The following WWOX variants were observed in gnomAD, a reference collection of about 807,000 sequenced individuals.
WWOX encodes WW domain-containing oxidoreductase.
Under a neutral mutation model 46.2 loss-of-function variants are expected in WWOX, and 69 were observed. That is an observed-to-expected ratio of 1.49 (90% confidence interval 1.23 to 1.82). The LOEUF (loss-of-function observed/expected upper bound fraction) is 1.82, where lower values mean the gene tolerates loss of function less well. WWOX is among the 40% of genes most tolerant of loss of function. WWOX has a pLI of 0.00. For missense variants in WWOX, 919 were observed against 542.6 expected (o/e 1.69, Z -6.89); for synonymous variants, 359 against 202.6 (o/e 1.77, Z -6.56).
chr16:78,753,287 C>G (rs570544363), intron 8 of WWOX, among the ~76,000 whole-genome samples: 6 of 151,728 alleles, frequency 4.0e-5, no homozygotes, highest in African/African-American at 7.3e-5. Flanking sequence ...GCGACAGACT[C>G]CAGCCTGAGC....
intron 8 of WWOX, among the ~76,000 whole-genome samples, chr16:78,487,287 A>C (rs1261330424): frequency 6.6e-6 from 1 of 151,990 alleles, no homozygotes; most frequent in African/African-American, 2.4e-5. Flanking sequence ...TGAATGACTA[A>C]AGCAGAGATT....
chr16:78,415,398 C>T (rs1280742372), intron 6 of WWOX, among the ~76,000 whole-genome samples: 2 of 152,110 alleles, frequency 1.3e-5, no homozygotes, highest in Admixed American at 6.5e-5. Context: ...CCTATTTTAT[C>T]AGCAAGGTCT....
Position 78,469,372 on chromosome 16 carries a change from C to G in WWOX, c.1056+36620C>G, listed in dbSNP as rs535149850. On this transcript the variant is annotated intron_variant, in intron 8 of 8. Coordinates refer to ENST00000566780, the MANE Select transcript of WWOX (RefSeq NM_016373.4). Reference sequence around the variant, plus strand: ...TAAGTTACAAAGGCAGACTCTTAAGCTACAAAATACATCTCTTCACAGGAG... The same window carrying G: ...TAAGTTACAAAGGCAGACTCTTAAGGTACAAAATACATCTCTTCACAGGAG... Among the ~76,000 whole-genome samples the G allele has an allele frequency of 2.0e-5, 3 of 152,256 alleles. No homozygotes were observed. The East Asian group carries it at 5.8e-4, about 29-fold the overall frequency.
intron 8 of WWOX, among the ~76,000 whole-genome samples, chr16:79,052,612 G>A (rs1052670739): frequency 2.6e-5 from 4 of 152,156 alleles, no homozygotes; most frequent in Non-Finnish European, 4.4e-5. Flanking sequence ...CTAGCCAGTC[G>A]GAACAAATAC....
rs540856512 is a variant in WWOX, at chr16:78,335,527, TGA to T, written c.517-51331_517-51330del. Among the ~76,000 whole-genome samples the T allele has an allele frequency of 2.1e-3, 319 of 152,326 alleles. 1 individual carries two copies. The highest frequency in any genetic ancestry group is 3.7e-3 in the Non-Finnish European group (249 of 68,026). ...CATATTTTCTTCATCCTATCATTTA[TGA>T]GCATTTGGAGTGATTCCGTGTCCTT... On this transcript the variant is annotated intron_variant, in intron 5 of 8. Coordinates refer to ENST00000566780, the MANE Select transcript of WWOX (RefSeq NM_016373.4).
chr16:78,547,938 G>C (rs1402689943), intron 8 of WWOX, among the ~76,000 whole-genome samples: 1 of 152,016 alleles, frequency 6.6e-6, no homozygotes, highest in Non-Finnish European at 1.5e-5. Flanking sequence ...GATCACTTGA[G>C]GTCAGGAGTT....
intron 8 of WWOX, among the ~76,000 whole-genome samples, chr16:78,761,031 G>C (rs1388000010): frequency 1.3e-5 from 2 of 152,078 alleles, no homozygotes; most frequent in South Asian, 2.1e-4. Flanking sequence ...CCATGATTCA[G>C]TTATCTCCTA....
At chr16:78,924,238 C>T (rs188011820) in intron 8 of WWOX, among the ~76,000 whole-genome samples, 7 of 152,138 alleles carry the variant, frequency 4.6e-5, no homozygotes, top group South Asian at 2.1e-4. Flanking sequence ...AATTCATAGA[C>T]GTCTTGGAAA....
intron 5 of WWOX, among the ~76,000 whole-genome samples, chr16:78,379,048 A>C (rs751092375): frequency 6.6e-6 from 1 of 152,154 alleles, no homozygotes; most frequent in African/African-American, 2.4e-5. Context: ...TAGCTTGGCC[A>C]CTGTCACGTC....
intron 5 of WWOX, among the ~76,000 whole-genome samples, chr16:78,374,366 C>G (rs1341052232): frequency 1.3e-5 from 2 of 152,002 alleles, no homozygotes; most frequent in Non-Finnish European, 2.9e-5. Flanking sequence ...CCCCATAAAA[C>G]AAACTTCACT....
chr16:78,432,642 G>T lies in WWOX; in HGVS notation c.946G>T (p.Val316Phe). The change falls in exon 8 of 9, where the codon GTC (valine) becomes TTC (phenylalanine). Residue 316 changes from valine to phenylalanine, a missense_variant. Physicochemically the swap from Val to Phe is conservative, Grantham distance 50 (BLOSUM62 -1). Coordinates refer to ENST00000566780, the MANE Select transcript of WWOX (RefSeq NM_016373.4). ...ELHRRLSPRG[V>F]TSNAVHPGNM... ...GCACCGTCGCCTCTCCCCACGCGGG[G>T]TCACGTCGAACGCAGTGCATCCTGG... The T allele has an allele frequency of 6.2e-7, 1 of 1,614,226 alleles. No individual in the cohort carries two copies.
intron 8 of WWOX, among the ~76,000 whole-genome samples, chr16:78,893,768 C>G (rs1019453131): frequency 6.6e-6 from 1 of 152,142 alleles, no homozygotes; most frequent in Non-Finnish European, 1.5e-5. Context: ...GTGCCTTTCT[C>G]TGTCTTTCCC....
chr16:79,131,116 C>T (rs1235965203), intron 8 of WWOX, among the ~76,000 whole-genome samples: 1 of 152,136 alleles, frequency 6.6e-6, no homozygotes, highest in Non-Finnish European at 1.5e-5. Context: ...GTTGGACAGA[C>T]TCCATGCTGC....
chr16:79,107,276 C>G (rs1484089141), intron 8 of WWOX, among the ~76,000 whole-genome samples: 1 of 151,496 alleles, frequency 6.6e-6, no homozygotes, highest in Non-Finnish European at 1.5e-5. Flanking sequence ...TTGATCTCAT[C>G]CTTGCTGTTC....
At position 78,218,456 on chromosome 16, in the gene WWOX, A is replaced by C. The variant is rs369450903; in HGVS notation, c.516+54167A>C. ...TGTATGATGTAACTCTATAGGACTA[A>C]GGGTGTGTGAGGATGCCAGGAGGCT... On this transcript the variant is annotated intron_variant, in intron 5 of 8. Coordinates refer to ENST00000566780, the MANE Select transcript of WWOX (RefSeq NM_016373.4). 1.5e-4 allele frequency among the ~76,000 whole-genome samples: 23 copies of C among 152,206 alleles called. 1 individual carries two copies. Among genetic ancestry groups the C allele is most frequent in the African/African-American group, 5.5e-4 (23 of 41,520 alleles).
chr16:79,116,294 A>G (rs1284476747), intron 8 of WWOX, among the ~76,000 whole-genome samples: 1 of 152,164 alleles, frequency 6.6e-6, no homozygotes, highest in African/African-American at 2.4e-5. Flanking sequence ...CCTTTTACAA[A>G]AGGATTCTCT....
intron 5 of WWOX, among the ~76,000 whole-genome samples, chr16:78,186,604 A>C (rs997927632): frequency 2.6e-5 from 4 of 152,160 alleles, no homozygotes; most frequent in Non-Finnish European, 5.9e-5. Flanking sequence ...TCTCTACTCA[A>C]AATACAAAAA....
chr16:78,601,557 A>G (rs980109976), intron 8 of WWOX, among the ~76,000 whole-genome samples: 13 of 152,214 alleles, frequency 8.5e-5, no homozygotes, highest in African/African-American at 2.9e-4. Context: ...GTCTTTTTAT[A>G]TAAGCACTTT....
At chr16:78,936,727 C>A (rs1007591525) in intron 8 of WWOX, among the ~76,000 whole-genome samples, 1 of 151,976 alleles carries the variant, frequency 6.6e-6, no homozygotes, top group Non-Finnish European at 1.5e-5. Context: ...ATCACAGTTT[C>A]CAGAAAATGG....
Sources: allele counts gnomAD v4.1 joint callset (sites outside exome capture counted in the v4.1 genomes callset), GRCh38; gene constraint gnomAD v4.1.1; transcripts MANE v1.5; gene names NCBI Gene and HGNC (gene_info 2026-07-23, HGNC 2026-07-21).